The following POLA2 variants were observed in gnomAD, a reference collection of about 807,000 sequenced individuals.
POLA2 encodes DNA polymerase alpha subunit B.
POLA2 carries 47 observed loss-of-function variants against 82.8 expected under a neutral mutation model. The ratio of observed to expected loss-of-function variants is 0.57; its 90% CI spans 0.45 to 0.72. POLA2 has a LOEUF of 0.72. Among genes scored for constraint, POLA2 ranks in the 30% least tolerant of loss-of-function variants. The pLI, the probability that POLA2 is intolerant of heterozygous loss-of-function variation, is 0.00. For missense variants in POLA2, 634 were observed against 728.1 expected, an observed-to-expected ratio of 0.87 and a Z score of 1.49; for synonymous variants, 287 against 286.8, an observed-to-expected ratio of 1.00 and a Z score of -0.01.
At chr11:65,285,574 C>CA (rs573912827) in intron 10 of POLA2, among the ~76,000 whole-genome samples, 8,353 of 62,428 alleles carry the variant, frequency 0.13, 356 homozygotes, top group African/African-American at 0.18. Flanking sequence ...GATCCTATCT[C>CA]AAAAAAAAAA....
rs766435094 is a variant in POLA2 at position 65,295,965 on chromosome 11, C to T, written c.1622C>T (p.Pro541Leu). The part of the protein sequence containing the change: ...LPVTPDVLII[P>L]SELRYFVKDV... ...GTCACCCCAGATGTCCTCATCATCC[C>T]GTCAGAGCTGAGGTACTTCGTGAAG... The change falls in exon 17 of 18, where the codon CCG becomes CTG. Residue 541 changes from proline to leucine, a missense_variant. Coordinates refer to ENST00000265465, the MANE Select transcript of POLA2 (RefSeq NM_002689.4). 1.3e-5 allele frequency: 21 copies of T among 1,614,030 alleles called. No homozygotes were observed. The highest frequency in any genetic ancestry group is 2.2e-5 in the East Asian group (1 of 44,908).
intron 12 of POLA2, among the ~76,000 whole-genome samples, 166 bp downstream of exon 12, chr11:65,289,254 A>G (rs1174410821): frequency 6.6e-6 from 1 of 152,212 alleles, no homozygotes; most frequent in Non-Finnish European, 1.5e-5. Context: ...TCTGGAATCC[A>G]AGGGCCTCCT....
intron 7 of POLA2, 63 bp downstream of exon 7, chr11:65,279,689 G>A (rs975810286): frequency 2.7e-6 from 3 of 1,124,968 alleles, no homozygotes; most frequent in African/African-American, 3.1e-5. Flanking sequence ...TGACCAAGAG[G>A]CATCCTTCTT....
At position 65,297,317 on chromosome 11, in the gene POLA2, AG is replaced by A; in HGVS notation, c.*49del. Reference sequence around the variant, plus strand: ...CTGCTGTGTGGGCCCTTAAAGTCTTAGCCAAGAGCCAAGACATAGCCCTGTG... The same window carrying A: ...CTGCTGTGTGGGCCCTTAAAGTCTTACCAAGAGCCAAGACATAGCCCTGTG... On this transcript the variant is annotated 3_prime_UTR_variant, in exon 18 of 18. Transcript: ENST00000265465. 1.3e-6 allele frequency: 2 copies of A among 1,520,156 alleles called. No homozygotes were observed. Among genetic ancestry groups the A allele is most frequent in the Admixed American group, 4.3e-5 (2 of 46,434 alleles). 94.2% of individuals were successfully genotyped at this position (1,520,156 alleles called of 1,614,324 possible).
intron 12 of POLA2, among the ~76,000 whole-genome samples, 174 bp from the exon 13 acceptor site, chr11:65,289,622 TCTC>T (rs796588289): frequency 3.3e-5 from 5 of 152,298 alleles, no homozygotes; most frequent in African/African-American, 1.2e-4. Flanking sequence ...CCACATCTCT[TCTC>T]CTCCCTTCGA....
At position 65,281,743 on chromosome 11, in the gene POLA2, G is replaced by C. The variant is rs769284246; in HGVS notation, c.963+11G>C. 6.2e-7 allele frequency: 1 copy of C among 1,608,360 alleles called. No individual in the cohort carries two copies. The highest frequency in any genetic ancestry group is 1.3e-5 in the African/African-American group (1 of 74,938). ...ACCAAACTCTACGAGGTACACAGCA[G>C]TACCCCCACTTGCCTCTTGGTTTGC... is the stretch of plus-strand genomic sequence containing the variant. On this transcript the variant is annotated intron_variant, in intron 9 of 17. Transcript: ENST00000265465.
chr11:65,266,661 T>G lies in POLA2; in HGVS notation c.159T>G (p.His53Gln), dbSNP rs1244819002. The G allele has an allele frequency of 8.1e-6, 13 of 1,614,146 alleles. No individual in the cohort carries two copies. The highest frequency in any genetic ancestry group is 1.1e-5 in the Non-Finnish European group (13 of 1,179,992). Residue 53 changes from histidine (H) to glutamine (Q), a missense_variant, in exon 2 of 18, where the codon CAT becomes CAG. Coordinates refer to ENST00000265465, the MANE Select transcript of POLA2 (RefSeq NM_002689.4). The stretch of plus-strand genomic sequence containing the variant: ...TTATAGCCTTCTGCACCAGCACACA[T>G]AAAGTTGGCCTTACCTCAGAGATCC... ...GELIAFCTST[H>Q]KVGLTSEILN...
intron 4 of POLA2, among the ~76,000 whole-genome samples, chr11:65,273,769 C>T (rs533475012): frequency 1.3e-5 from 2 of 151,884 alleles, no homozygotes; most frequent in African/African-American, 4.8e-5. Context: ...GCTAGGATTA[C>T]AGGCACGAGC....
chr11:65,264,012 C>T (rs1949430748), intron 1 of POLA2, among the ~76,000 whole-genome samples: 1 of 152,182 alleles, frequency 6.6e-6, no homozygotes, highest in Non-Finnish European at 1.5e-5. Context: ...TCATCAGTAA[C>T]TTCAGTGGCA....
chr11:65,297,196 AC>A lies in POLA2; in HGVS notation c.1726del (p.Arg577GlyfsTer39). On this transcript the variant is annotated frameshift_variant, in exon 18 of 18. Transcript: ENST00000265465. LOFTEE classifies it low-confidence loss of function (END_TRUNC). ...GTGGGAGGCACCTTCGCCCGACTCT[AC>A]CTTAGGAGGCCGGCAGCGGACGGGG... ...GQVGGTFARL[Y>X]LRRPAADGAE... 6.2e-7 allele frequency: 1 copy of A among 1,613,914 alleles called. No individual in the cohort carries two copies. The highest frequency in any genetic ancestry group is 8.5e-7 in the Non-Finnish European group (1 of 1,179,974).
In POLA2 at chr11:65,297,131, C is replaced by T; in HGVS notation, c.1659C>T (p.Gly553=). 1 of 1,614,052 alleles carries T rather than the reference C, an allele frequency of 6.2e-7. No homozygotes were observed. Among genetic ancestry groups the T allele is most frequent in the South Asian group, 1.1e-5 (1 of 91,076 alleles). ...ELRYFVKDVL[G]CVCVNPGRLT... Reference sequence around the variant, plus strand: ...CCTCTCCTCCCCAGGATGTCCTCGGCTGTGTCTGTGTGAACCCTGGGCGCC... The same window carrying T: ...CCTCTCCTCCCCAGGATGTCCTCGGTTGTGTCTGTGTGAACCCTGGGCGCC... The change falls in exon 18 of 18, where the codon GGC becomes GGT. Residue 553 remains glycine, a synonymous_variant. Coordinates refer to ENST00000265465, the MANE Select transcript of POLA2 (RefSeq NM_002689.4).
rs748852176 is a variant in POLA2 at position 65,296,021 on chromosome 11, C to T, written c.1647+31C>T. 36 of 1,613,492 alleles carry T rather than the reference C, an allele frequency of 2.2e-5. No individual in the cohort carries two copies. The East Asian group carries it at 7.8e-4, about 35-fold the overall frequency. On this transcript the variant is annotated intron_variant, in intron 17 of 17. Transcript: ENST00000265465. ...TTTGAACTCTGCTTTTTCCCAGAAA[C>T]ACCAGAACCCAGTCTTTGACTTTCC...
chr11:65,302,894 AT>A (rs1949866347), downstream of POLA2, among the ~76,000 whole-genome samples: 2 of 151,716 alleles, frequency 1.3e-5, no homozygotes, highest in South Asian at 4.2e-4. Context: ...CACCCAGCTA[AT>A]TTTTGAGTTT....
Position 65,287,481 on chromosome 11 carries a change from A to AATG in POLA2, c.1007-234_1007-233insTGA, listed in dbSNP as rs3214096. The AATG allele has an allele frequency of 1.2e-4, 43 of 367,980 alleles. No homozygotes were observed. The East Asian group carries it at 2.0e-3, about 17-fold the overall frequency. 22.8% of individuals were successfully genotyped at this position (367,980 alleles called of 1,614,324 possible). ...CGAATCTTTCATGTGCACAGCTCATAAAGTTTCTACTGCATGTTCTAGGTA... is the reference window on the plus strand; with the variant it reads ...CGAATCTTTCATGTGCACAGCTCATAATGAAGTTTCTACTGCATGTTCTAGGTA... On this transcript the variant is annotated intron_variant, in intron 10 of 17. Transcript: ENST00000265465.
intron 4 of POLA2, among the ~76,000 whole-genome samples, chr11:65,274,648 C>G (rs1949557867): frequency 6.6e-6 from 1 of 151,050 alleles, no homozygotes; most frequent in African/African-American, 2.4e-5. Flanking sequence ...CCACTGTGCC[C>G]CAGCGTGGGT....
At chr11:65,280,139 G>A (rs1369904123) in intron 7 of POLA2, 1 of 152,692 alleles carries the variant, frequency 6.5e-6, no homozygotes, top group Non-Finnish European at 1.5e-5. Context: ...ATATATTCTA[G>A]AAGTTTCTTT....
At chr11:65,305,772 G>A (rs575710851), downstream of POLA2, among the ~76,000 whole-genome samples, 101 of 152,260 alleles carry the variant, frequency 6.6e-4, no homozygotes, top group African/African-American at 2.4e-3. Context: ...AGCAGCGCTC[G>A]TGCATGTGTG....
intron 10 of POLA2, 182 bp from the exon 11 acceptor site, chr11:65,287,534 A>G (rs544151677): frequency 5.0e-4 from 216 of 430,406 alleles, no homozygotes; most frequent in African/African-American, 2.5e-3. Context: ...CTCTGTCTCT[A>G]TCACCTAGTG....
At chr11:65,281,556 T>TTA in intron 8 of POLA2, 114 bp from the exon 9 acceptor site, 1 of 771,242 alleles carries the variant, frequency 1.3e-6, no homozygotes, top group South Asian at 1.5e-5. Flanking sequence ...TGCCCTAAGT[T>TTA]TATGATTACA....
Sources: allele counts gnomAD v4.1 joint callset (sites outside exome capture counted in the v4.1 genomes callset), GRCh38; gene constraint gnomAD v4.1.1; transcripts MANE v1.5; gene names NCBI Gene and HGNC (gene_info 2026-07-23, HGNC 2026-07-21).